The following ZNF385B variants were observed in gnomAD, a reference collection of about 807,000 sequenced individuals.
The protein encoded by ZNF385B is zinc finger protein 533.
Under a neutral mutation model 39.2 loss-of-function variants are expected in ZNF385B, and 23 were observed. The observed-to-expected ratio is 0.59, with a 90% CI of 0.42 to 0.83. The LOEUF (loss-of-function observed/expected upper bound fraction) is 0.83. Among genes scored for constraint, ZNF385B ranks in the 40% least tolerant of loss-of-function variants. The probability of loss-of-function intolerance (pLI) is 0.00; values close to 1 mark genes in which losing one functional copy is unlikely to be tolerated. For missense variants in ZNF385B, 552 were observed against 598.9 expected (o/e 0.92, Z 0.82); for synonymous variants, 205 against 222.6 (o/e 0.92, Z 0.70).
intron 3 of ZNF385B, among the ~76,000 whole-genome samples, chr2:179,550,040 CA>C (rs2060472810): frequency 6.7e-6 from 1 of 149,276 alleles, no homozygotes; most frequent in African/African-American, 2.5e-5. Context: ...TCAAATGTTG[CA>C]GGGGCACTTA....
chr2:179,851,393 C>T (rs1045403320), intron 1 of ZNF385B, among the ~76,000 whole-genome samples: 1 of 152,082 alleles, frequency 6.6e-6, no homozygotes, highest in African/African-American at 2.4e-5. Context: ...GAGGCTACAG[C>T]GAAATATGAT....
intron 1 of ZNF385B, among the ~76,000 whole-genome samples, chr2:179,831,328 T>C (rs1351631596): frequency 2.6e-5 from 4 of 152,170 alleles, no homozygotes; most frequent in Non-Finnish European, 5.9e-5. Flanking sequence ...AACAGGAGCT[T>C]TCTCCAATTC....
chr2:179,759,915 TG>T (rs1373139829), intron 3 of ZNF385B, among the ~76,000 whole-genome samples: 2 of 152,130 alleles, frequency 1.3e-5, no homozygotes, highest in African/African-American at 4.8e-5. Flanking sequence ...ACTAGAAAAC[TG>T]GGGGGTTTAG....
chr2:179,781,385 G>C (rs1704654890), intron 1 of ZNF385B, among the ~76,000 whole-genome samples: 1 of 152,068 alleles, frequency 6.6e-6, no homozygotes, highest in Admixed American at 6.6e-5. Context: ...TACTGACAAA[G>C]GTAACTTACG....
chr2:179,810,210 G>A (rs1706648605), intron 1 of ZNF385B, among the ~76,000 whole-genome samples: 1 of 151,814 alleles, frequency 6.6e-6, no homozygotes. Context: ...AAATTTTTAA[G>A]TGATTGTTTT....
chr2:179,589,678 A>G (rs1269354274), intron 3 of ZNF385B, among the ~76,000 whole-genome samples: 1 of 152,198 alleles, frequency 6.6e-6, no homozygotes, highest in Non-Finnish European at 1.5e-5. Flanking sequence ...GTTTTAAAAT[A>G]ATTAACCAAG....
chr2:179,739,295 G>A (rs1701948076), intron 3 of ZNF385B, among the ~76,000 whole-genome samples: 1 of 152,220 alleles, frequency 6.6e-6, no homozygotes, highest in South Asian at 2.1e-4. Flanking sequence ...TGCTGCTGGA[G>A]AGCTGATCTG....
At chr2:179,541,060 TAA>T (rs2059891749) in intron 4 of ZNF385B, among the ~76,000 whole-genome samples, 1 of 152,224 alleles carries the variant, frequency 6.6e-6, no homozygotes, top group African/African-American at 2.4e-5. Flanking sequence ...TGTGTCTCTG[TAA>T]AGTACACTGC....
chr2:179,591,343 C>A (rs1399754292), intron 3 of ZNF385B, among the ~76,000 whole-genome samples: 1 of 151,752 alleles, frequency 6.6e-6, no homozygotes, highest in Non-Finnish European at 1.5e-5. Flanking sequence ...TATATTAGAA[C>A]ATGTCTTACT....
intron 1 of ZNF385B, among the ~76,000 whole-genome samples, chr2:179,840,071 T>G (rs1331512012): frequency 1.3e-5 from 2 of 152,182 alleles, no homozygotes; most frequent in Non-Finnish European, 2.9e-5. Flanking sequence ...GAAGGGCAAA[T>G]GGAAGATACC....
At chr2:179,723,685 G>T (rs539572174) in intron 3 of ZNF385B, among the ~76,000 whole-genome samples, 7 of 152,064 alleles carry the variant, frequency 4.6e-5, no homozygotes, top group Admixed American at 3.9e-4. Flanking sequence ...AATTACTTCT[G>T]GGAACTAAGG....
chr2:179,758,785 A>G (rs2106482841), intron 3 of ZNF385B, among the ~76,000 whole-genome samples: 1 of 152,298 alleles, frequency 6.6e-6, no homozygotes, highest in Non-Finnish European at 1.5e-5. Context: ...ATCTAAAACC[A>G]TCTAAGACAG....
intron 5 of ZNF385B, among the ~76,000 whole-genome samples, chr2:179,492,930 G>A (rs2055403981): frequency 6.6e-6 from 1 of 152,084 alleles, no homozygotes; most frequent in Non-Finnish European, 1.5e-5. Flanking sequence ...TAAACTAGAA[G>A]TTTTCATTCA....
At chr2:179,606,758 T>G (rs1029431845) in intron 3 of ZNF385B, among the ~76,000 whole-genome samples, 1 of 152,212 alleles carries the variant, frequency 6.6e-6, no homozygotes, top group Non-Finnish European at 1.5e-5. Flanking sequence ...GAGGAAATGA[T>G]AAAAATGAAA....
At chr2:179,526,461 G>T (rs912842441) in intron 4 of ZNF385B, among the ~76,000 whole-genome samples, 2 of 151,966 alleles carry the variant, frequency 1.3e-5, no homozygotes, top group East Asian at 3.9e-4. Context: ...CAGGCATGGT[G>T]GCACATGCCT....
At chr2:179,548,054 G>T (rs985715092) in intron 3 of ZNF385B, among the ~76,000 whole-genome samples, 3 of 149,554 alleles carry the variant, frequency 2.0e-5, no homozygotes, top group African/African-American at 7.5e-5. Context: ...AAATGCTACT[G>T]ATTTTTGTAT....
At chr2:179,463,770 G>A (rs960242057) in intron 6 of ZNF385B, among the ~76,000 whole-genome samples, 7 of 152,148 alleles carry the variant, frequency 4.6e-5, no homozygotes, top group Non-Finnish European at 7.3e-5. Flanking sequence ...CATTTGGGTT[G>A]GTTCCAAGTC....
intron 3 of ZNF385B, among the ~76,000 whole-genome samples, chr2:179,555,829 G>A (rs1258236221): frequency 2.7e-5 from 4 of 149,062 alleles, no homozygotes; most frequent in Non-Finnish European, 4.4e-5. Context: ...TGGCAGTTAC[G>A]TGCCTGAATT....
intron 3 of ZNF385B, among the ~76,000 whole-genome samples, chr2:179,592,411 T>C (rs1364665443): frequency 6.6e-6 from 1 of 152,184 alleles, no homozygotes; most frequent in Admixed American, 6.5e-5. Context: ...AATCATAACA[T>C]GGGCTGTACT....
Sources: allele counts gnomAD v4.1 joint callset (sites outside exome capture counted in the v4.1 genomes callset), GRCh38; gene constraint gnomAD v4.1.1; transcripts MANE v1.5; gene names NCBI Gene and HGNC (gene_info 2026-07-23, HGNC 2026-07-21).